Variants in XKR4 observed in about 807,000 individuals in gnomAD.
XKR4 encodes the protein XK-related protein 4.
XKR4 carries 12 observed loss-of-function variants against 53.9 expected under a neutral mutation model. The observed-to-expected ratio is 0.22, with a 90% CI of 0.14 to 0.36. XKR4 has a LOEUF of 0.36. Ranked by LOEUF, XKR4 falls within the 10% of genes least tolerant of loss-of-function variation. The pLI is 1.00. For missense variants in XKR4, 799 were observed against 859.5 expected, an observed-to-expected ratio of 0.93 and a Z score of 0.88; for synonymous variants, 354 against 362.4, an observed-to-expected ratio of 0.98 and a Z score of 0.26.
intron 2 of XKR4, among the ~76,000 whole-genome samples, chr8:55,493,821 A>G (rs1385804417): frequency 1.3e-5 from 2 of 152,222 alleles, no homozygotes; most frequent in Non-Finnish European, 2.9e-5. Context: ...CATTTCAGGA[A>G]TGGATAAAAC....
intron 1 of XKR4, among the ~76,000 whole-genome samples, chr8:55,323,800 G>A (rs915727408): frequency 6.6e-6 from 1 of 151,892 alleles, no homozygotes; most frequent in African/African-American, 2.4e-5. Context: ...GTCTTTTTTT[G>A]TCTTTGTTCT....
At chr8:55,154,539 A>G (rs1332056549) in intron 1 of XKR4, among the ~76,000 whole-genome samples, 1 of 152,206 alleles carries the variant, frequency 6.6e-6, no homozygotes, top group Non-Finnish European at 1.5e-5. Context: ...ATTAGATTCC[A>G]CCAAACCATG....
intron 2 of XKR4, among the ~76,000 whole-genome samples, chr8:55,377,589 A>G (rs1482706752): frequency 6.6e-6 from 1 of 152,134 alleles, no homozygotes; most frequent in Non-Finnish European, 1.5e-5. Context: ...GAAACAGGGG[A>G]GAGAGAAAGG....
intron 2 of XKR4, among the ~76,000 whole-genome samples, chr8:55,399,519 T>C (rs1186403299): frequency 1.3e-5 from 2 of 152,188 alleles, no homozygotes; most frequent in African/African-American, 2.4e-5. Flanking sequence ...TTTCTCTCTG[T>C]CATTTAAAAT....
At chr8:55,414,380 A>G (rs559586850) in intron 2 of XKR4, among the ~76,000 whole-genome samples, 146 of 152,212 alleles carry the variant, frequency 9.6e-4, no homozygotes, top group Non-Finnish European at 1.7e-3. Flanking sequence ...CTGTTCTCCA[A>G]AAGTTTTATA....
intron 2 of XKR4, among the ~76,000 whole-genome samples, chr8:55,430,148 G>A (rs1307494862): frequency 1.3e-4 from 20 of 152,154 alleles, no homozygotes; most frequent in Admixed American, 1.3e-3. Flanking sequence ...ATCAAATGCT[G>A]GTGAGGATGC....
chr8:55,203,804 G>A (rs961511638), intron 1 of XKR4, among the ~76,000 whole-genome samples: 1 of 152,036 alleles, frequency 6.6e-6, no homozygotes, highest in Non-Finnish European at 1.5e-5. Flanking sequence ...CTCATAAAGG[G>A]GTTTCTGGCT....
At chr8:55,103,891 A>ATATATC in intron 1 of XKR4, among the ~76,000 whole-genome samples, 1 of 123,170 alleles carries the variant, frequency 8.1e-6, no homozygotes, top group African/African-American at 3.1e-5. Flanking sequence ...ATATATATAT[A>ATATATC]TATCCCCGAG....
At chr8:55,506,997 CT>C (rs1806541515) in intron 2 of XKR4, among the ~76,000 whole-genome samples, 1 of 152,082 alleles carries the variant, frequency 6.6e-6, no homozygotes, top group South Asian at 2.1e-4. Context: ...TGTGGTGTCA[CT>C]TTTTTTTCTT....
At chr8:55,335,302 A>G (rs1343019483) in intron 1 of XKR4, among the ~76,000 whole-genome samples, 3 of 152,212 alleles carry the variant, frequency 2.0e-5, no homozygotes, top group Non-Finnish European at 2.9e-5. Flanking sequence ...ATGACTTATT[A>G]TAGAATTATT....
At chr8:55,221,182 A>C (rs1328964897) in intron 1 of XKR4, among the ~76,000 whole-genome samples, 2 of 152,238 alleles carry the variant, frequency 1.3e-5, no homozygotes, top group African/African-American at 4.8e-5. Flanking sequence ...AGAGTCTTCT[A>C]GGTTTTTTCT....
intron 2 of XKR4, among the ~76,000 whole-genome samples, chr8:55,392,837 G>A (rs1804461848): frequency 6.6e-6 from 1 of 152,094 alleles, no homozygotes. Flanking sequence ...AAGTTCAAAA[G>A]AGGGGAAGAG....
At chr8:55,494,930 C>T (rs527739238) in intron 2 of XKR4, among the ~76,000 whole-genome samples, 1 of 152,300 alleles carries the variant, frequency 6.6e-6, no homozygotes, top group African/African-American at 2.4e-5. Context: ...GGTGGGGCAT[C>T]ACCAGGCACA....
chr8:55,213,847 TCTTTCTTTC>T, intron 1 of XKR4, among the ~76,000 whole-genome samples: 1 of 128,170 alleles, frequency 7.8e-6, no homozygotes, highest in South Asian at 2.6e-4. Flanking sequence ...CTTCTTTTTT[TCTTTCTTTC>T]TTTTTTTTTT....
intron 2 of XKR4, among the ~76,000 whole-genome samples, chr8:55,494,168 C>A (rs2129402558): frequency 6.6e-6 from 1 of 152,382 alleles, no homozygotes; most frequent in East Asian, 1.9e-4. Context: ...GGGTGGGCAG[C>A]TCCAGGTGCC....
At chr8:55,144,269 A>G (rs578126875) in intron 1 of XKR4, among the ~76,000 whole-genome samples, 91 of 152,286 alleles carry the variant, frequency 6.0e-4, no homozygotes, top group African/African-American at 2.1e-3. Flanking sequence ...TTAAACATCT[A>G]GAGAATTATG....
intron 2 of XKR4, among the ~76,000 whole-genome samples, chr8:55,410,022 G>A (rs897061895): frequency 2.6e-5 from 4 of 152,088 alleles, no homozygotes; most frequent in African/African-American, 7.2e-5. Flanking sequence ...CTGGAGCAGG[G>A]AGATGATGGA....
At chr8:55,235,223 C>T (rs944590031) in intron 1 of XKR4, among the ~76,000 whole-genome samples, 11 of 152,134 alleles carry the variant, frequency 7.2e-5, no homozygotes, top group Non-Finnish European at 1.6e-4. Flanking sequence ...CTCTCCTCTT[C>T]GAATAATGAT....
intron 2 of XKR4, among the ~76,000 whole-genome samples, chr8:55,366,030 T>C (rs964057660): frequency 7.2e-5 from 11 of 152,182 alleles, no homozygotes; most frequent in African/African-American, 2.7e-4. Flanking sequence ...CTGCCTCCCC[T>C]GGGCTGGGAC....
Sources: allele counts gnomAD v4.1 joint callset (sites outside exome capture counted in the v4.1 genomes callset), GRCh38; gene constraint gnomAD v4.1.1; transcripts MANE v1.5; gene names NCBI Gene and HGNC (gene_info 2026-07-23, HGNC 2026-07-21).